USP34: variants seen among roughly 807,000 people sequenced by gnomAD.
The protein encoded by USP34 is ubiquitin carboxyl-terminal hydrolase 34.
A neutral mutation model predicts 460.3 loss-of-function variants in USP34; 70 were observed. The ratio of observed to expected loss-of-function variants is 0.15; its 90% CI spans 0.13 to 0.19. USP34 has a LOEUF of 0.19. Ranked by LOEUF, USP34 falls within the 10% of genes least tolerant of loss-of-function variation. The pLI is 1.00. For synonymous variants in USP34, 1,647 were observed against 1,405.3 expected, an observed-to-expected ratio of 1.17 and a Z score of -3.85; for missense variants, 3,985 against 4,236.2, an observed-to-expected ratio of 0.94 and a Z score of 1.65.
chr2:61,372,020 C>G (rs978076946), intron 8 of USP34, among the ~76,000 whole-genome samples: 11 of 152,086 alleles, frequency 7.2e-5, no homozygotes, highest in African/African-American at 2.4e-4. Context: ...CAGAATGTAT[C>G]CCTGTCATTA....
At chr2:61,424,751 ATTT>A (rs907290592) in intron 1 of USP34, among the ~76,000 whole-genome samples, 1 of 151,256 alleles carries the variant, frequency 6.6e-6, no homozygotes, top group Admixed American at 6.6e-5. Context: ...TATGTTCTAT[ATTT>A]TTTTTTACCA....
chr2:61,381,111 T>C (rs565613262), intron 6 of USP34, among the ~76,000 whole-genome samples: 7 of 151,956 alleles, frequency 4.6e-5, no homozygotes, highest in East Asian at 1.9e-4. Context: ...CCAGAGACCT[T>C]TGTTCACTTG....
At chr2:61,385,711 A>T (rs1693120820) in intron 5 of USP34, among the ~76,000 whole-genome samples, 1 of 146,798 alleles carries the variant, frequency 6.8e-6, no homozygotes, top group South Asian at 2.2e-4. Context: ...CGACAAGGAG[A>T]AGCTGGGTGC....
At position 61,281,114 on chromosome 2, in the gene USP34, A is replaced by G. The variant is rs752027823; in HGVS notation, c.5127T>C (p.Asp1709=). Residue 1709 remains aspartate, a synonymous_variant, in exon 38 of 80, where the codon GAT becomes GAC. Coordinates refer to ENST00000398571, the MANE Select transcript of USP34 (RefSeq NM_014709.4). ...AASTLLKFLP[D]AQALKPIRID... ...CCCTAATAGGTTTGAGTGCTTGAGC[A>G]TCAGGAAGAAATTTCAATAATGTTG... 5 of 1,613,662 alleles carry G rather than the reference A, an allele frequency of 3.1e-6. No homozygotes were observed.
intron 42 of USP34, chr2:61,265,767 C>T (rs961645041): frequency 1.5e-6 from 1 of 681,804 alleles, no homozygotes; most frequent in Non-Finnish European, 2.1e-6. Context: ...TTTACTTGGC[C>T]CCAAATTACT....
chr2:61,271,664 G>T (rs1396101722), intron 41 of USP34, among the ~76,000 whole-genome samples: 2 of 152,034 alleles, frequency 1.3e-5, no homozygotes, highest in Non-Finnish European at 1.5e-5. Flanking sequence ...CTACTGGAAA[G>T]GTAAAAGAAA....
At chr2:61,212,607 A>T (rs1687300110) in intron 68 of USP34, among the ~76,000 whole-genome samples, 1 of 152,358 alleles carries the variant, frequency 6.6e-6, no homozygotes, top group African/African-American at 2.4e-5. Flanking sequence ...ACTCATATGC[A>T]CATGTCAGGA....
rs1308242934 is a variant in USP34, at chr2:61,268,438, T to TTAA, written c.5434-2272_5434-2271insTTA. 3.2e-3 allele frequency among the ~76,000 whole-genome samples: 170 copies of TTAA among 53,422 alleles called. 10 individuals carry two copies. Among genetic ancestry groups the TTAA allele is most frequent in the African/African-American group, 0.012 (164 of 13,468 alleles). The allele number at this position is 53,422 out of a possible 152,430, so 35.0% of individuals were successfully genotyped here. On this transcript the variant is annotated intron_variant, in intron 41 of 79. Coordinates refer to ENST00000398571, the MANE Select transcript of USP34 (RefSeq NM_014709.4). ...TTTGAGTTCATGCAAGAGCTGTTGT[T>TTAA]AAAAAAAAAAAAAAAAAAAAAAAAA...
Position 61,348,077 on chromosome 2 carries a change from T to A in USP34, c.2078A>T (p.Asp693Val). The change falls in exon 15 of 80, where the codon GAT becomes GTT. Residue 693 changes from aspartate (D) to valine (V), a missense_variant. Coordinates refer to ENST00000398571, the MANE Select transcript of USP34 (RefSeq NM_014709.4). ...TGGGTCTTCAGAGTGTGAACAAGCATCCAGCATTCGCATTCGATTATCTAC... is the reference window on the plus strand; with the variant it reads ...TGGGTCTTCAGAGTGTGAACAAGCAACCAGCATTCGCATTCGATTATCTAC... ...PSVDNRMRML[D>V]ACSHSEDPEH... 1.2e-6 allele frequency: 2 copies of A among 1,614,232 alleles called. No individual in the cohort carries two copies. The highest frequency in any genetic ancestry group is 1.7e-6 in the Non-Finnish European group (2 of 1,180,044).
At position 61,192,788 on chromosome 2, in the gene USP34, G is replaced by A. The variant is rs1686680935; in HGVS notation, c.9588+113C>T. ...CATTCATTCATATGTTACCTATCAAGATTCTAAAATGTCCCCACTTTTCAG... is the reference window on the plus strand; with the variant it reads ...CATTCATTCATATGTTACCTATCAAAATTCTAAAATGTCCCCACTTTTCAG... On this transcript the variant is annotated intron_variant, in intron 76 of 79. Transcript: ENST00000398571. The A allele has an allele frequency of 4.1e-6, 3 of 731,648 alleles. No individual in the cohort carries two copies. The South Asian group carries it at 6.7e-5, about 16-fold the overall frequency. 45.3% of individuals were successfully genotyped at this position (731,648 alleles called of 1,614,324 possible). A position where few individuals can be genotyped will look rare whatever the true frequency, so the allele number is the denominator to read the frequency against.
At chr2:61,280,190 T>C (rs1689492801) in intron 39 of USP34, 54 bp downstream of exon 39, 2 of 1,049,972 alleles carry the variant, frequency 1.9e-6, no homozygotes, top group Middle Eastern at 2.1e-4. Context: ...TATGTCATAA[T>C]TCATATTAAC....
intron 47 of USP34, 59 bp from the exon 48 acceptor site, chr2:61,256,537 A>C (rs1688728635): frequency 7.6e-7 from 1 of 1,311,202 alleles, no homozygotes; most frequent in Non-Finnish European, 1.0e-6. Flanking sequence ...GCAAATATAC[A>C]AAAGGTGGCA....
intron 1 of USP34, among the ~76,000 whole-genome samples, chr2:61,455,415 C>A (rs1186425309): frequency 6.6e-6 from 1 of 151,628 alleles, no homozygotes; most frequent in Non-Finnish European, 1.5e-5. Flanking sequence ...TGAGCTCAGG[C>A]AATCCACCAG....
At chr2:61,235,606 G>A (rs1335234005) in intron 57 of USP34, among the ~76,000 whole-genome samples, 1 of 152,022 alleles carries the variant, frequency 6.6e-6, no homozygotes, top group Admixed American at 6.6e-5. Flanking sequence ...TTACAGGCGT[G>A]AGCCACCACA....
intron 76 of USP34, chr2:61,190,900 A>C (rs1686620408): frequency 2.7e-6 from 1 of 374,164 alleles, no homozygotes. Flanking sequence ...ACTGATGCCG[A>C]AACTGAACAA....
At chr2:61,396,645 T>C (rs1573000536) in intron 3 of USP34, among the ~76,000 whole-genome samples, 2 of 152,104 alleles carry the variant, frequency 1.3e-5, no homozygotes, top group East Asian at 1.9e-4. Context: ...CCCACCACCA[T>C]GCCCGGCTAA....
At chr2:61,286,016 T>G (rs916897188) in intron 34 of USP34, among the ~76,000 whole-genome samples, 7 of 152,302 alleles carry the variant, frequency 4.6e-5, no homozygotes, top group African/African-American at 1.4e-4. Flanking sequence ...TTAACACAAG[T>G]ATATACAATG....
chr2:61,379,860 A>AAGAGGGC, intron 7 of USP34, among the ~76,000 whole-genome samples: 1 of 152,392 alleles, frequency 6.6e-6, no homozygotes, highest in East Asian at 1.9e-4. Flanking sequence ...AAGCCCTCCA[A>AAGAGGGC]TTATTCCTCT....
At chr2:61,428,051 G>A (rs1694561655) in intron 1 of USP34, among the ~76,000 whole-genome samples, 1 of 151,846 alleles carries the variant, frequency 6.6e-6, no homozygotes, top group Non-Finnish European at 1.5e-5. Flanking sequence ...TGTAGTCCCA[G>A]CTACTTGGGA....
Sources: allele counts gnomAD v4.1 joint callset (sites outside exome capture counted in the v4.1 genomes callset), GRCh38; gene constraint gnomAD v4.1.1; transcripts MANE v1.5; gene names NCBI Gene and HGNC (gene_info 2026-07-23, HGNC 2026-07-21).